Variants in PDE3B observed in about 807,000 individuals in gnomAD.
PDE3B encodes the protein phosphodiesterase 3B, also known as cGMP-inhibited 3',5'-cyclic phosphodiesterase 3B.
A neutral mutation model predicts 116.8 loss-of-function variants in PDE3B; 66 were observed. The observed-to-expected ratio is 0.56, with a 90% confidence interval of 0.46 to 0.69. PDE3B has a LOEUF of 0.69. Ranked by LOEUF, PDE3B falls within the 30% of genes least tolerant of loss-of-function variation. The pLI, the probability that PDE3B is intolerant of heterozygous loss-of-function variation, is 0.00. For missense variants in PDE3B, 1,384 were observed against 1,368.1 expected, an observed-to-expected ratio of 1.01 and a Z score of -0.18; for synonymous variants, 595 against 533.6, an observed-to-expected ratio of 1.12 and a Z score of -1.59.
intron 12 of PDE3B, among the ~76,000 whole-genome samples, chr11:14,848,239 A>G (rs1284624039): frequency 1.4e-5 from 2 of 140,080 alleles, no homozygotes; most frequent in African/African-American, 5.4e-5. Context: ...GACAAAAACC[A>G]CATGATTATC....
chr11:14,863,334 A>G (rs1555007537), intron 14 of PDE3B, among the ~76,000 whole-genome samples: 2 of 152,154 alleles, frequency 1.3e-5, no homozygotes, highest in Non-Finnish European at 2.9e-5. Flanking sequence ...CTATTTCTCC[A>G]CATCCTCTCC....
chr11:14,828,125 G>A (rs1271012680), intron 7 of PDE3B, among the ~76,000 whole-genome samples: 1 of 152,106 alleles, frequency 6.6e-6, no homozygotes, highest in Non-Finnish European at 1.5e-5. Flanking sequence ...ATATGTAGAA[G>A]ATTAAAACTG....
At chr11:14,832,171 T>C (rs772840960) in intron 9 of PDE3B, among the ~76,000 whole-genome samples, 49 of 152,168 alleles carry the variant, frequency 3.2e-4, no homozygotes, top group Non-Finnish European at 1.8e-4. Context: ...GCTAGAACCA[T>C]GGGAAAGTAC....
intron 1 of PDE3B, among the ~76,000 whole-genome samples, chr11:14,656,440 C>T (rs1432380132): frequency 6.6e-6 from 1 of 152,098 alleles, no homozygotes; most frequent in Non-Finnish European, 1.5e-5. Flanking sequence ...TCCATGTTAA[C>T]CTTTAGTGAA....
intron 1 of PDE3B, among the ~76,000 whole-genome samples, chr11:14,716,159 G>C (rs540205528): frequency 6.6e-6 from 1 of 151,754 alleles, no homozygotes; most frequent in Admixed American, 6.6e-5. Context: ...AAGGGGTGAC[G>C]GACGCACCTG....
chr11:14,695,507 T>A (rs1049359141), intron 1 of PDE3B, among the ~76,000 whole-genome samples: 4 of 152,260 alleles, frequency 2.6e-5, no homozygotes, highest in African/African-American at 9.6e-5. Flanking sequence ...TATATGTATT[T>A]TTAAAATAAT....
At chr11:14,828,955 A>G (rs1859789394) in intron 7 of PDE3B, among the ~76,000 whole-genome samples, 1 of 152,240 alleles carries the variant, frequency 6.6e-6, no homozygotes, top group South Asian at 2.1e-4. Context: ...TATGGTACAT[A>G]TACACCATGG....
chr11:14,846,870 G>T (rs1847615988), intron 12 of PDE3B, among the ~76,000 whole-genome samples: 2 of 152,160 alleles, frequency 1.3e-5, no homozygotes, highest in Non-Finnish European at 2.9e-5. Context: ...AAGAGACTTA[G>T]ACTCCCACAC....
At chr11:14,716,357 T>C (rs1247579211) in intron 1 of PDE3B, among the ~76,000 whole-genome samples, 8 of 151,826 alleles carry the variant, frequency 5.3e-5, no homozygotes, top group Admixed American at 5.2e-4. Context: ...GAGCCCGCCA[T>C]TGCCCAGGCT....
intron 1 of PDE3B, among the ~76,000 whole-genome samples, chr11:14,741,190 T>C (rs1453056741): frequency 6.6e-6 from 1 of 152,088 alleles, no homozygotes; most frequent in African/African-American, 2.4e-5. Context: ...TGTCTAATAT[T>C]GTCAGTGGGG....
At chr11:14,660,792 G>T (rs1201057135) in intron 1 of PDE3B, among the ~76,000 whole-genome samples, 1 of 152,092 alleles carries the variant, frequency 6.6e-6, no homozygotes, top group Admixed American at 6.6e-5. Context: ...ATAAATTCTT[G>T]TTAAATAACA....
chr11:14,737,494 G>A (rs1282013946), intron 1 of PDE3B, among the ~76,000 whole-genome samples: 1 of 151,258 alleles, frequency 6.6e-6, no homozygotes, highest in East Asian at 2.0e-4. Flanking sequence ...CACTGCATCC[G>A]GCCACAGGCT....
chr11:14,666,471 G>T (rs1854156836), intron 1 of PDE3B, among the ~76,000 whole-genome samples: 1 of 149,880 alleles, frequency 6.7e-6, no homozygotes, highest in Non-Finnish European at 1.5e-5. Context: ...CACAGCAAAA[G>T]AAACTACCAT....
chr11:14,731,253 TGA>T lies in PDE3B; in HGVS notation c.979-40683_979-40682del, dbSNP rs1386287268. On this transcript the variant is annotated intron_variant, in intron 1 of 15. Transcript: ENST00000282096. ...GTTAAAGTTTTAAAGCATTTTACTTTGATTTTTTTTTTTTTTTTTTTTTGAGA... is the reference window on the plus strand; with the variant it reads ...GTTAAAGTTTTAAAGCATTTTACTTTTTTTTTTTTTTTTTTTTTTTTGAGA... Among the ~76,000 whole-genome samples, 224 of 150,798 alleles carry T rather than the reference TGA, an allele frequency of 1.5e-3. 1 individual carries two copies. Among genetic ancestry groups the T allele is most frequent in the African/African-American group, 5.0e-3 (204 of 41,078 alleles).
intron 1 of PDE3B, among the ~76,000 whole-genome samples, chr11:14,669,912 A>G (rs547086724): frequency 9.3e-4 from 141 of 152,294 alleles, no homozygotes; most frequent in African/African-American, 3.2e-3. Context: ...AAATGAAAGC[A>G]TAGGTTAGTA....
At chr11:14,867,357 C>A (rs939789797) in intron 14 of PDE3B, 149 bp from the exon 15 acceptor site, 5 of 647,032 alleles carry the variant, frequency 7.7e-6, no homozygotes, top group African/African-American at 7.3e-5. Context: ...TAAATTCTTA[C>A]AGTTGAAATG....
intron 1 of PDE3B, among the ~76,000 whole-genome samples, chr11:14,764,057 A>T (rs1857430021): frequency 2.0e-5 from 3 of 152,150 alleles, no homozygotes; most frequent in Admixed American, 2.0e-4. Flanking sequence ...ATGGTAAGGC[A>T]ACTAGAAACT....
intron 12 of PDE3B, among the ~76,000 whole-genome samples, chr11:14,858,706 A>G (rs1847892800): frequency 6.6e-6 from 1 of 152,170 alleles, no homozygotes; most frequent in Non-Finnish European, 1.5e-5. Flanking sequence ...TTTATCTGAG[A>G]AGGTTTTCTG....
chr11:14,798,121 T>G (rs966118159), intron 4 of PDE3B, among the ~76,000 whole-genome samples: 1 of 152,216 alleles, frequency 6.6e-6, no homozygotes, highest in Non-Finnish European at 1.5e-5. Context: ...ACCTAGTTCA[T>G]TGAGAGTTTT....
Sources: gnomAD v4.1 joint callset for allele counts (sites outside exome capture counted in the v4.1 genomes callset) on GRCh38, gnomAD v4.1.1 for gene constraint, MANE v1.5 for transcripts, NCBI Gene and HGNC (gene_info 2026-07-23, HGNC 2026-07-21) for gene names.